Variants in TMEM41B observed in about 807,000 individuals in gnomAD.
The protein encoded by TMEM41B is protein stasimon.
A neutral mutation model predicts 31.9 loss-of-function variants in TMEM41B; 18 were observed. The ratio of observed to expected loss-of-function variants is 0.56; its 90% confidence interval spans 0.39 to 0.84. The LOEUF (loss-of-function observed/expected upper bound fraction) is 0.84, where lower values mean the gene tolerates loss of function less well. TMEM41B is among the 40% of genes least tolerant of loss of function. TMEM41B has a pLI of 0.00. For missense variants in TMEM41B, 322 were observed against 348.0 expected (o/e 0.93, Z 0.59); for synonymous variants, 144 against 124.3 (o/e 1.16, Z -1.05).
At chr11:9,297,827 C>A (rs934864468) in intron 2 of TMEM41B, among the ~76,000 whole-genome samples, 2 of 151,692 alleles carry the variant, frequency 1.3e-5, no homozygotes, top group African/African-American at 4.8e-5. Context: ...GTTTACATGA[C>A]AAAAAAAATT....
At chr11:9,294,180 CAAAAAAAAAAAAAAAAAA>C (rs538372314) in intron 3 of TMEM41B, among the ~76,000 whole-genome samples, 1 of 73,448 alleles carries the variant, frequency 1.4e-5, no homozygotes, top group African/African-American at 6.2e-5. Flanking sequence ...GAACCTGTCT[CAAAAAAAAAAAAAAAAAA>C]AAAAAAAAAA....
intron 3 of TMEM41B, among the ~76,000 whole-genome samples, chr11:9,292,025 A>C (rs1852972005): frequency 6.6e-6 from 1 of 152,094 alleles, no homozygotes; most frequent in African/African-American, 2.4e-5. Flanking sequence ...TTTTAACATA[A>C]ATATGATACC....
intron 1 of TMEM41B, among the ~76,000 whole-genome samples, chr11:9,303,822 G>A (rs866680293): frequency 4.4e-4 from 67 of 151,428 alleles, no homozygotes; most frequent in African/African-American, 1.4e-3. Flanking sequence ...CACACGCCAC[G>A]AGGATCAACT....
intron 1 of TMEM41B, among the ~76,000 whole-genome samples, chr11:9,301,797 G>T (rs567338821): frequency 1.3e-5 from 2 of 152,238 alleles, no homozygotes; most frequent in African/African-American, 4.8e-5. Flanking sequence ...GAGCTAAAAG[G>T]TTAAATGGTG....
intron 1 of TMEM41B, among the ~76,000 whole-genome samples, chr11:9,309,992 G>A (rs1299586790): frequency 6.6e-6 from 1 of 151,358 alleles, no homozygotes; most frequent in South Asian, 2.1e-4. Context: ...TTGAGACAGT[G>A]TTTTTCAATC....
At chr11:9,305,207 T>A (rs1853358318) in intron 1 of TMEM41B, among the ~76,000 whole-genome samples, 1 of 152,110 alleles carries the variant, frequency 6.6e-6, no homozygotes, top group African/African-American at 2.4e-5. Context: ...GGGTAATATA[T>A]ATATATAAGT....
At chr11:9,293,362 C>G (rs1480776674) in intron 3 of TMEM41B, among the ~76,000 whole-genome samples, 1 of 152,138 alleles carries the variant, frequency 6.6e-6, no homozygotes, top group Non-Finnish European at 1.5e-5. Context: ...TGAAGCCTCC[C>G]AAAGTGCTGG....
intron 1 of TMEM41B, among the ~76,000 whole-genome samples, chr11:9,310,031 T>C (rs1853517634): frequency 6.6e-6 from 1 of 151,122 alleles, no homozygotes; most frequent in Admixed American, 6.6e-5. Flanking sequence ...AGTAATGTAT[T>C]ATTATTATTA....
At chr11:9,310,386 T>C (rs537198897) in intron 1 of TMEM41B, among the ~76,000 whole-genome samples, 1 of 124,268 alleles carries the variant, frequency 8.0e-6, no homozygotes, top group East Asian at 2.7e-4. Flanking sequence ...CAAGGAAAGA[T>C]TAAACAAAAA....
intron 6 of TMEM41B, 90 bp downstream of exon 6, chr11:9,286,365 T>A: frequency 7.5e-7 from 1 of 1,329,068 alleles, no homozygotes; most frequent in Non-Finnish European, 1.0e-6. Flanking sequence ...TGGCATAATC[T>A]GCAGAGAGCA....
At chr11:9,295,515 T>C in intron 2 of TMEM41B, 128 bp from the exon 3 acceptor site, 1 of 612,042 alleles carries the variant, frequency 1.6e-6, no homozygotes, top group Non-Finnish European at 2.8e-6. Context: ...ATTAGCAATG[T>C]TTAAGTTTAA....
rs569643335 is a variant in TMEM41B at position 9,309,438 on chromosome 11, A to C, written c.121+4883T>G. ...ATACATAATACCTGGGTTGAGACTGACATCAGCAAACCATACTAATGCTTT... is the reference window on the plus strand; with the variant it reads ...ATACATAATACCTGGGTTGAGACTGCCATCAGCAAACCATACTAATGCTTT... On this transcript the variant is annotated intron_variant, in intron 1 of 6. Coordinates refer to ENST00000528080, the MANE Select transcript of TMEM41B (RefSeq NM_015012.4). Among the ~76,000 whole-genome samples, 8 of 151,628 alleles carry C rather than the reference A, an allele frequency of 5.3e-5. No homozygotes were observed. In the East Asian group the frequency reaches 1.6e-3, roughly 30 times the overall value.
chr11:9,306,754 G>C (rs1318454770), intron 1 of TMEM41B, among the ~76,000 whole-genome samples: 2 of 151,772 alleles, frequency 1.3e-5, no homozygotes, highest in Non-Finnish European at 2.9e-5. Context: ...TCTAACTTCA[G>C]TTAGGGATAT....
At chr11:9,311,690 G>T in intron 1 of TMEM41B, 1 of 773,126 alleles carries the variant, frequency 1.3e-6, no homozygotes, top group Non-Finnish European at 2.4e-6. Context: ...GATTCCACAT[G>T]TTTAGGTGTG....
At chr11:9,308,338 G>A (rs1024707803) in intron 1 of TMEM41B, among the ~76,000 whole-genome samples, 2 of 152,178 alleles carry the variant, frequency 1.3e-5, no homozygotes, top group African/African-American at 4.8e-5. Context: ...GCAAGACACC[G>A]CACCTGGCCA....
chr11:9,285,275 G>T (rs2133608432), intron 6 of TMEM41B, among the ~76,000 whole-genome samples: 1 of 152,074 alleles, frequency 6.6e-6, no homozygotes, highest in Middle Eastern at 3.4e-3. Flanking sequence ...AGTAGAGACA[G>T]GGTTTTACCA....
intron 2 of TMEM41B, among the ~76,000 whole-genome samples, chr11:9,296,865 G>A (rs1225940930): frequency 1.3e-5 from 2 of 152,104 alleles, no homozygotes; most frequent in Admixed American, 6.6e-5. Context: ...TTCTTGCTTA[G>A]GAAAGCCTCG....
chr11:9,298,098 C>T (rs575708413), intron 2 of TMEM41B, among the ~76,000 whole-genome samples: 1 of 150,478 alleles, frequency 6.6e-6, no homozygotes, highest in African/African-American at 2.4e-5. Context: ...GGTGTGAGCC[C>T]CTCTTTCTCA....
intron 1 of TMEM41B, among the ~76,000 whole-genome samples, chr11:9,303,958 A>G (rs10770015): frequency 0.7 from 106,656 of 152,116 alleles, 37,714 homozygotes; most frequent in Non-Finnish European, 0.74. Context: ...GTGAGCCACC[A>G]CGCCCGGCCT....
Sources: allele counts gnomAD v4.1 joint callset (sites outside exome capture counted in the v4.1 genomes callset), GRCh38; gene constraint gnomAD v4.1.1; transcripts MANE v1.5; gene names NCBI Gene and HGNC (gene_info 2026-07-23, HGNC 2026-07-21).